The following PDE11A variants were observed in gnomAD, a reference collection of about 807,000 sequenced individuals.
PDE11A encodes the protein dual 3',5'-cyclic-AMP and -GMP phosphodiesterase 11A.
Under a neutral mutation model 100.5 loss-of-function variants are expected in PDE11A, and 100 were observed. The ratio of observed to expected loss-of-function variants is 1.00; its 90% CI spans 0.85 to 1.18. The LOEUF is 1.18. Among genes scored for constraint, PDE11A ranks in the 50% most tolerant of loss-of-function variants. The pLI, the probability that PDE11A is intolerant of heterozygous loss-of-function variation, is 0.00. For synonymous variants in PDE11A, 381 were observed against 420.8 expected, an observed-to-expected ratio of 0.91 and a Z score of 1.16; for missense variants, 1,141 against 1,152.6, an observed-to-expected ratio of 0.99 and a Z score of 0.15.
At chr2:178,089,094 C>T (rs774206773) in intron 2 of PDE11A, among the ~76,000 whole-genome samples, 8 of 152,062 alleles carry the variant, frequency 5.3e-5, no homozygotes, top group East Asian at 3.9e-4. Context: ...AGTACCACTA[C>T]GATTGATGTG....
intron 8 of PDE11A, among the ~76,000 whole-genome samples, chr2:177,817,213 A>G (rs1574173157): frequency 6.6e-6 from 1 of 152,238 alleles, no homozygotes; most frequent in Non-Finnish European, 1.5e-5. Flanking sequence ...TAATTTATTT[A>G]GGTTGTGGAC....
At chr2:177,799,580 T>C (rs370004562) in intron 9 of PDE11A, among the ~76,000 whole-genome samples, 30 of 152,290 alleles carry the variant, frequency 2.0e-4, no homozygotes, top group African/African-American at 6.3e-4. Flanking sequence ...GATAACCTAC[T>C]ACTAGAATAT....
chr2:177,810,009 T>C (rs2082925134), intron 9 of PDE11A, among the ~76,000 whole-genome samples: 1 of 152,190 alleles, frequency 6.6e-6, no homozygotes, highest in Non-Finnish European at 1.5e-5. Context: ...GATTGGCTTC[T>C]TCATCCTCAT....
At chr2:177,808,531 T>C (rs911980825) in intron 9 of PDE11A, among the ~76,000 whole-genome samples, 19 of 152,334 alleles carry the variant, frequency 1.2e-4, no homozygotes, top group African/African-American at 4.6e-4. Context: ...TGCTCACTGT[T>C]CATCTCTGAA....
At chr2:177,821,502 C>A (rs868201765) in intron 6 of PDE11A, among the ~76,000 whole-genome samples, 1 of 151,690 alleles carries the variant, frequency 6.6e-6, no homozygotes, top group African/African-American at 2.4e-5. Context: ...AATAAAATTG[C>A]TGAGTTATTC....
chr2:177,786,869 C>T (rs1456807346), intron 9 of PDE11A, among the ~76,000 whole-genome samples: 17 of 151,884 alleles, frequency 1.1e-4, no homozygotes, highest in Non-Finnish European at 2.2e-4. Flanking sequence ...ACAAAGCCTC[C>T]AAGAAATATG....
intron 2 of PDE11A, among the ~76,000 whole-genome samples, chr2:178,091,412 T>C (rs182187571): frequency 6.6e-6 from 1 of 152,294 alleles, no homozygotes; most frequent in African/African-American, 2.4e-5. Flanking sequence ...CCTATGATAA[T>C]GGTGAAAAGC....
At chr2:178,103,077 T>C (rs1035667864) in intron 2 of PDE11A, among the ~76,000 whole-genome samples, 7 of 152,182 alleles carry the variant, frequency 4.6e-5, no homozygotes, top group Non-Finnish European at 1.0e-4. Context: ...CAAGAAGTGT[T>C]GATTGCCATA....
At chr2:178,011,309 A>G (rs1419277879) in intron 2 of PDE11A, among the ~76,000 whole-genome samples, 1 of 152,170 alleles carries the variant, frequency 6.6e-6, no homozygotes, top group East Asian at 1.9e-4. Context: ...TGGCTGTGCT[A>G]AGCTGATTGC....
intron 1 of PDE11A, chr2:178,105,656 C>A: frequency 3.0e-6 from 2 of 659,480 alleles, no homozygotes; most frequent in South Asian, 3.8e-5. Context: ...AGGAGGTTCT[C>A]CATGGTGGTA....
At chr2:177,949,273 C>T (rs111925883) in intron 2 of PDE11A, among the ~76,000 whole-genome samples, 1 of 107,770 alleles carries the variant, frequency 9.3e-6, no homozygotes, top group Non-Finnish European at 2.0e-5. Context: ...AGTTTAAAAT[C>T]TTTATTTTAA....
chr2:177,676,277 A>C (rs1370115304), intron 16 of PDE11A, among the ~76,000 whole-genome samples: 1 of 152,144 alleles, frequency 6.6e-6, no homozygotes, highest in Admixed American at 6.5e-5. Flanking sequence ...ATGTGGTGGG[A>C]GGAGGAAAAA....
chr2:177,804,947 C>T (rs73034264), intron 9 of PDE11A, among the ~76,000 whole-genome samples: 9 of 151,404 alleles, frequency 5.9e-5, no homozygotes, highest in African/African-American at 9.7e-5. Flanking sequence ...AGGTTGGGAG[C>T]GGGTGAGAAT....
intron 12 of PDE11A, among the ~76,000 whole-genome samples, chr2:177,713,618 G>A (rs545655180): frequency 2.0e-5 from 3 of 151,994 alleles, no homozygotes; most frequent in African/African-American, 4.8e-5. Flanking sequence ...CCAGCTATTC[G>A]TGAGGCTGAG....
In PDE11A at chr2:178,072,493, C is replaced by G. The variant is rs931080694; in HGVS notation, c.-56G>C. 84 of 1,605,978 alleles carry G rather than the reference C, an allele frequency of 5.2e-5. No individual in the cohort carries two copies. Among genetic ancestry groups the G allele is most frequent in the Non-Finnish European group, 6.8e-5 (80 of 1,178,946 alleles). On this transcript the variant is annotated 5_prime_UTR_variant, in exon 1 of 20. Transcript: ENST00000286063. ...ACGTGAACCAAATGTTTTCCTGCCC[C>G]GAGGCCTCTAGCTGTTCCTGCACAT...
At chr2:177,736,609 C>T (rs1215621890) in intron 10 of PDE11A, among the ~76,000 whole-genome samples, 1 of 152,068 alleles carries the variant, frequency 6.6e-6, no homozygotes, top group Non-Finnish European at 1.5e-5. Context: ...AAGGAGACAG[C>T]CCCTGGGAGC....
intron 6 of PDE11A, among the ~76,000 whole-genome samples, chr2:177,839,043 C>T (rs1053147380): frequency 2.0e-5 from 3 of 152,150 alleles, no homozygotes; most frequent in African/African-American, 7.2e-5. Flanking sequence ...GAAAATGTAG[C>T]CTGGGGAAGA....
chr2:178,098,874 T>G (rs2087527580), intron 2 of PDE11A, among the ~76,000 whole-genome samples: 1 of 152,200 alleles, frequency 6.6e-6, no homozygotes, highest in Non-Finnish European at 1.5e-5. Context: ...GATAAAGACT[T>G]AAATCCCTAA....
rs116282796 is a variant in PDE11A at position 177,852,259 on chromosome 2, A to C, written c.1368-11876T>G. ...CAATCTATTTTCTCATTACCAAGGA[A>C]TGATTGTCAGTTGCCCTTCTGACAG... On this transcript the variant is annotated intron_variant, in intron 5 of 19. Coordinates refer to ENST00000286063, the MANE Select transcript of PDE11A (RefSeq NM_016953.4). Among the ~76,000 whole-genome samples the C allele has an allele frequency of 8.5e-4, 130 of 152,314 alleles. 1 individual carries two copies. Among genetic ancestry groups the C allele is most frequent in the African/African-American group, 3.1e-3 (129 of 41,566 alleles).
Sources: allele counts gnomAD v4.1 joint callset (sites outside exome capture counted in the v4.1 genomes callset), GRCh38; gene constraint gnomAD v4.1.1; transcripts MANE v1.5; gene names NCBI Gene and HGNC (gene_info 2026-07-23, HGNC 2026-07-21).